COPG2: variants seen among roughly 807,000 people sequenced by gnomAD.
COPG2 encodes the protein coatomer subunit gamma-2.
In COPG2, 37 loss-of-function variants were observed where a neutral mutation model predicts 46.3. The ratio of observed to expected loss-of-function variants is 0.80; its 90% CI spans 0.61 to 1.05. The LOEUF (loss-of-function observed/expected upper bound fraction) is 1.05, where lower values mean the gene tolerates loss of function less well. Among genes scored for constraint, COPG2 ranks in the 50% least tolerant of loss-of-function variants. The probability of loss-of-function intolerance (pLI) is 0.00; values close to 1 mark genes in which losing one functional copy is unlikely to be tolerated. For synonymous variants in COPG2, 159 were observed against 129.7 expected (o/e 1.23, Z -1.53); for missense variants, 427 against 387.8 (o/e 1.10, Z -0.85).
At chr7:130,624,110 C>G (rs1207941111) in intron 5 of COPG2, among the ~76,000 whole-genome samples, 1 of 152,054 alleles carries the variant, frequency 6.6e-6, no homozygotes, top group African/African-American at 2.4e-5. Context: ...AAGAGACTAG[C>G]TAGCTCTCTG....
rs1799712242 is a variant in COPG2 at position 130,520,060 on chromosome 7, C to T, written c.2150-11401G>A. On this transcript the variant is annotated intron_variant, in intron 20 of 23. Coordinates refer to ENST00000425248, the MANE Select transcript of COPG2 (RefSeq NM_012133.6). ...GGATTGACAGGTATAGATCGGGATT[C>T]TTTGTAGAACAAATGAATGCTATTG... Among the ~76,000 whole-genome samples, 2 of 152,106 alleles carry T rather than the reference C, an allele frequency of 1.3e-5. 1 individual carries two copies. Among genetic ancestry groups the T allele is most frequent in the South Asian group, 4.1e-4 (2 of 4,826 alleles).
At chr7:130,542,479 T>G (rs1043017595) in intron 20 of COPG2, among the ~76,000 whole-genome samples, 1 of 151,968 alleles carries the variant, frequency 6.6e-6, no homozygotes, top group Non-Finnish European at 1.5e-5. Context: ...GTACAGCAGG[T>G]TGAGGACATG....
At chr7:130,651,415 C>A (rs551973439) in intron 5 of COPG2, among the ~76,000 whole-genome samples, 1 of 151,602 alleles carries the variant, frequency 6.6e-6, no homozygotes, top group Non-Finnish European at 1.5e-5. Flanking sequence ...CTCCCAGGCT[C>A]CAGCGATTCT....
At chr7:130,512,310 CT>C (rs1799609025) in intron 20 of COPG2, among the ~76,000 whole-genome samples, 2 of 147,638 alleles carry the variant, frequency 1.4e-5, no homozygotes, top group African/African-American at 2.5e-5. Flanking sequence ...AAAACTCCAT[CT>C]AAAAAAAAAA....
chr7:130,627,768 G>A (rs1373158875), intron 5 of COPG2, among the ~76,000 whole-genome samples: 3 of 144,442 alleles, frequency 2.1e-5, no homozygotes, highest in South Asian at 2.5e-4. Flanking sequence ...TTGGGGATGC[G>A]GGGGGTGGGG....
chr7:130,649,096 A>C (rs1275911530), intron 5 of COPG2, among the ~76,000 whole-genome samples: 1 of 152,250 alleles, frequency 6.6e-6, no homozygotes, highest in East Asian at 1.9e-4. Flanking sequence ...TTGCCTAGAT[A>C]ATCCCATCTC....
At chr7:130,517,923 T>C (rs1343713771) in intron 20 of COPG2, among the ~76,000 whole-genome samples, 1 of 116,974 alleles carries the variant, frequency 8.5e-6, no homozygotes, top group Non-Finnish European at 2.1e-5. Flanking sequence ...GTTAAATGTG[T>C]GTTGTTGAAG....
chr7:130,621,930 C>G (rs1421123784), intron 5 of COPG2, among the ~76,000 whole-genome samples: 2 of 116,012 alleles, frequency 1.7e-5, no homozygotes, highest in South Asian at 5.6e-4. Flanking sequence ...GGAGACAGAG[C>G]GAGACTCCAT....
rs930240520 is a variant in COPG2 at position 130,564,332 on chromosome 7, T to C, written c.799A>G (p.Ile267Val). The C allele has an allele frequency of 1.5e-3, 617 of 398,618 alleles. No homozygotes were observed. Among genetic ancestry groups the C allele is most frequent in the Admixed American group, 4.0e-3 (92 of 22,740 alleles). The allele number at this position is 398,618 out of a possible 1,614,324, so 24.7% of individuals were successfully genotyped here. A position where few individuals can be genotyped will look rare whatever the true frequency, so the allele number is the denominator to read the frequency against. Residue 267 changes from isoleucine (I) to valine (V), a missense_variant, in exon 10 of 24, where the codon ATT becomes GTT. By Grantham distance (29) the Ile-to-Val change is conservative. Coordinates refer to ENST00000425248, the MANE Select transcript of COPG2 (RefSeq NM_012133.6). ...ATGATAGCTGAAGCAGCTTCATAAA[T>C]AACCATTTCATGTTTATTTCGCAAG... ...SCLRNKHEMV[I>V]YEAASAIIHL...
intron 5 of COPG2, among the ~76,000 whole-genome samples, chr7:130,649,913 A>G (rs1360306076): frequency 6.6e-6 from 1 of 152,210 alleles, no homozygotes; most frequent in Non-Finnish European, 1.5e-5. Context: ...AACTTAGAGG[A>G]AAATACAACA....
At chr7:130,654,641 T>C (rs1795812452) in intron 4 of COPG2, among the ~76,000 whole-genome samples, 1 of 152,122 alleles carries the variant, frequency 6.6e-6, no homozygotes, top group Non-Finnish European at 1.5e-5. Flanking sequence ...TTCCCATGAG[T>C]AGGGAAAACA....
chr7:130,589,277 T>C (rs1427173172), intron 9 of COPG2, among the ~76,000 whole-genome samples: 2 of 151,504 alleles, frequency 1.3e-5, no homozygotes, highest in South Asian at 2.1e-4. Context: ...ACTGTACAGG[T>C]TTACTTTTTT....
chr7:130,659,403 T>C (rs1554460369), intron 4 of COPG2, among the ~76,000 whole-genome samples: 4 of 146,538 alleles, frequency 2.7e-5, no homozygotes, highest in African/African-American at 5.0e-5. Context: ...ATTCCACTTG[T>C]AGGTATCTAC....
intron 14 of COPG2, among the ~76,000 whole-genome samples, chr7:130,553,000 A>C (rs907383525): frequency 1.3e-5 from 2 of 152,216 alleles, no homozygotes; most frequent in African/African-American, 2.4e-5. Context: ...AAGGAACTAA[A>C]TCCGAATTGG....
At chr7:130,647,477 C>A (rs1795636651) in intron 5 of COPG2, among the ~76,000 whole-genome samples, 2 of 151,984 alleles carry the variant, frequency 1.3e-5, no homozygotes, top group African/African-American at 4.8e-5. Flanking sequence ...TTTTTTGTGG[C>A]CATATATGTA....
At chr7:130,559,824 G>A (rs1039194412) in intron 12 of COPG2, among the ~76,000 whole-genome samples, 1 of 152,178 alleles carries the variant, frequency 6.6e-6, no homozygotes, top group Non-Finnish European at 1.5e-5. Context: ...TTTTTTAAAA[G>A]TCTGGATGCA....
chr7:130,631,381 C>T (rs1238597876), intron 5 of COPG2, among the ~76,000 whole-genome samples: 13 of 152,180 alleles, frequency 8.5e-5, no homozygotes, highest in African/African-American at 3.1e-4. Context: ...TGGTCTCCAA[C>T]TCCTGACCTC....
intron 20 of COPG2, among the ~76,000 whole-genome samples, chr7:130,541,235 G>A (rs1040042905): frequency 1.3e-5 from 2 of 152,118 alleles, no homozygotes; most frequent in Non-Finnish European, 2.9e-5. Flanking sequence ...CCAATGCCTC[G>A]GTCCCAGACT....
intron 9 of COPG2, among the ~76,000 whole-genome samples, chr7:130,585,620 T>C (rs1795343211): frequency 1.3e-5 from 2 of 151,334 alleles, no homozygotes; most frequent in South Asian, 2.1e-4. Context: ...AACAAATCAG[T>C]AAGAAAAAAA....
Sources: gnomAD v4.1 joint callset for allele counts (sites outside exome capture counted in the v4.1 genomes callset) on GRCh38, gnomAD v4.1.1 for gene constraint, MANE v1.5 for transcripts, NCBI Gene and HGNC (gene_info 2026-07-23, HGNC 2026-07-21) for gene names.